The following EYA4 variants were observed in gnomAD, a reference collection of about 807,000 sequenced individuals.
The protein encoded by EYA4 is EYA transcriptional coactivator and phosphatase 4.
A neutral mutation model predicts 87.9 loss-of-function variants in EYA4; 31 were observed. That is an observed-to-expected ratio of 0.35 (90% confidence interval 0.27 to 0.48). The LOEUF is 0.48. EYA4 is among the 20% of genes least tolerant of loss of function. The pLI is 0.99. For synonymous variants in EYA4, 263 were observed against 270.6 expected, an observed-to-expected ratio of 0.97 and a Z score of 0.28; for missense variants, 678 against 761.4, an observed-to-expected ratio of 0.89 and a Z score of 1.29.
At chr6:133,309,341 G>A (rs1780041184) in intron 2 of EYA4, among the ~76,000 whole-genome samples, 1 of 152,162 alleles carries the variant, frequency 6.6e-6, no homozygotes, top group African/African-American at 2.4e-5. Context: ...AAGAGTTTAA[G>A]TAGTGTCTGA....
At chr6:133,518,877 A>T (rs1277288131) in intron 17 of EYA4, among the ~76,000 whole-genome samples, 1 of 151,994 alleles carries the variant, frequency 6.6e-6, no homozygotes, top group Non-Finnish European at 1.5e-5. Context: ...GAAACTGAAC[A>T]ACCTGCTCCT....
intron 2 of EYA4, among the ~76,000 whole-genome samples, chr6:133,288,587 G>C (rs1280152909): frequency 6.6e-6 from 1 of 152,118 alleles, no homozygotes; most frequent in Non-Finnish European, 1.5e-5. Context: ...GCTGGGCCAT[G>C]GGGGAGAAGT....
At chr6:133,273,965 G>A (rs1488357747) in intron 1 of EYA4, among the ~76,000 whole-genome samples, 2 of 151,906 alleles carry the variant, frequency 1.3e-5, no homozygotes, top group Non-Finnish European at 2.9e-5. Context: ...AGGATTCAGG[G>A]TTACTTGGGT....
chr6:133,528,659 T>A, intron 19 of EYA4, 66 bp from the exon 20 acceptor site: 1 of 1,125,372 alleles, frequency 8.9e-7, no homozygotes, highest in Non-Finnish European at 1.4e-6. Flanking sequence ...ACAATGGTTG[T>A]GATCTCTCTC....
At chr6:133,357,110 A>C (rs1307179141) in intron 2 of EYA4, among the ~76,000 whole-genome samples, 1 of 151,824 alleles carries the variant, frequency 6.6e-6, no homozygotes, top group Non-Finnish European at 1.5e-5. Flanking sequence ...TCTCTACTAA[A>C]AATACAAAAA....
At chr6:133,370,079 G>A (rs1045883221) in intron 2 of EYA4, among the ~76,000 whole-genome samples, 10 of 152,166 alleles carry the variant, frequency 6.6e-5, no homozygotes, top group East Asian at 1.9e-4. Context: ...GAAGGTTCAC[G>A]CCAGAGCAAG....
chr6:133,529,028 T>A lies in EYA4; in HGVS notation c.*223T>A. 1 of 1,319,334 alleles carries A rather than the reference T, an allele frequency of 7.6e-7. No individual in the cohort carries two copies. The highest frequency in any genetic ancestry group is 9.7e-7 in the Non-Finnish European group (1 of 1,028,324). 81.7% of individuals were successfully genotyped at this position (1,319,334 alleles called of 1,614,324 possible). ...CTTATATTTACAACACTTTAATGGGTTTTTTAAAAATCTGTGGAGGTTGCT... is the reference window on the plus strand; with the variant it reads ...CTTATATTTACAACACTTTAATGGGATTTTTAAAAATCTGTGGAGGTTGCT... On this transcript the variant is annotated 3_prime_UTR_variant, in exon 20 of 20. Coordinates refer to ENST00000355286, the MANE Select transcript of EYA4 (RefSeq NM_004100.5).
intron 2 of EYA4, among the ~76,000 whole-genome samples, chr6:133,312,382 G>GCA (rs78921867): frequency 0.041 from 6,012 of 147,850 alleles, 242 homozygotes; most frequent in African/African-American, 0.11. Context: ...AGAGGCGCGT[G>GCA]CACACACACA....
At chr6:133,267,823 G>A (rs983019486) in intron 1 of EYA4, among the ~76,000 whole-genome samples, 2 of 151,976 alleles carry the variant, frequency 1.3e-5, no homozygotes, top group East Asian at 1.9e-4. Context: ...TATATTTTAC[G>A]AGTTTTTTTG....
At chr6:133,459,791 G>A (rs764783247) in intron 6 of EYA4, among the ~76,000 whole-genome samples, 10 of 152,110 alleles carry the variant, frequency 6.6e-5, no homozygotes, top group East Asian at 1.9e-4. Context: ...TATTTTCAAC[G>A]ATACGTATCA....
At chr6:133,489,947 C>G (rs979961819) in intron 13 of EYA4, among the ~76,000 whole-genome samples, 7 of 150,650 alleles carry the variant, frequency 4.6e-5, no homozygotes, top group African/African-American at 1.7e-4. Context: ...AAAATAATAA[C>G]TGACAACTTT....
At position 133,407,626 on chromosome 6, in the gene EYA4, G is replaced by A. The variant is rs148198855; in HGVS notation, c.83+25185G>A. 5.9e-3 allele frequency among the ~76,000 whole-genome samples: 894 copies of A among 152,012 alleles called. 6 individuals are homozygous for A. The highest frequency in any genetic ancestry group is 0.019 in the African/African-American group (800 of 41,444). ...AATCTTCTCAGCTTCAGCAGTTTTCGTCTTCTAAATTCAATTAAGTTGAGC... is the reference window on the plus strand; with the variant it reads ...AATCTTCTCAGCTTCAGCAGTTTTCATCTTCTAAATTCAATTAAGTTGAGC... On this transcript the variant is annotated intron_variant, in intron 3 of 19. Transcript: ENST00000355286.
intron 1 of EYA4, among the ~76,000 whole-genome samples, chr6:133,264,422 T>C (rs745469837): frequency 2.0e-5 from 3 of 152,240 alleles, no homozygotes; most frequent in Non-Finnish European, 4.4e-5. Flanking sequence ...CTGGTTGCAC[T>C]GTGAACGGTA....
chr6:133,308,829 A>T (rs1352804614), intron 2 of EYA4, among the ~76,000 whole-genome samples: 2 of 152,210 alleles, frequency 1.3e-5, no homozygotes, highest in Admixed American at 6.5e-5. Context: ...AAACTAAAAC[A>T]TGTTCCTTCA....
At chr6:133,413,426 ATTTT>A (rs11388358) in intron 3 of EYA4, among the ~76,000 whole-genome samples, 1 of 140,854 alleles carries the variant, frequency 7.1e-6, no homozygotes, top group African/African-American at 2.6e-5. Flanking sequence ...TAACCCAGTG[ATTTT>A]TTTTTTTTTT....
chr6:133,348,271 T>G (rs1783357705), intron 2 of EYA4, among the ~76,000 whole-genome samples: 1 of 124,658 alleles, frequency 8.0e-6, no homozygotes, highest in East Asian at 3.3e-4. Flanking sequence ...GTTTTTTTTT[T>G]TTTTTTTTTT....
At chr6:133,257,009 C>T (rs1043526156) in intron 1 of EYA4, among the ~76,000 whole-genome samples, 37 of 151,974 alleles carry the variant, frequency 2.4e-4, no homozygotes, top group African/African-American at 6.8e-4. Context: ...AGGACTTACA[C>T]ATATAAAACT....
intron 11 of EYA4, among the ~76,000 whole-genome samples, chr6:133,476,341 A>G (rs756181904): frequency 6.6e-5 from 10 of 152,098 alleles, no homozygotes; most frequent in Non-Finnish European, 1.5e-4. Flanking sequence ...TATAATAGAT[A>G]TCTTGAACTT....
chr6:133,251,061 C>G (rs1774858628), intron 1 of EYA4, among the ~76,000 whole-genome samples: 1 of 152,184 alleles, frequency 6.6e-6, no homozygotes, highest in Non-Finnish European at 1.5e-5. Flanking sequence ...AGAGAAGACA[C>G]TATAGGTGCT....
Sources: gnomAD v4.1 joint callset for allele counts (sites outside exome capture counted in the v4.1 genomes callset) on GRCh38, gnomAD v4.1.1 for gene constraint, MANE v1.5 for transcripts, NCBI Gene and HGNC (gene_info 2026-07-23, HGNC 2026-07-21) for gene names.